The following NCKAP1 variants were observed in gnomAD, a reference collection of about 807,000 sequenced individuals.
NCKAP1 encodes nck-associated protein 1.
In NCKAP1, 21 loss-of-function variants were observed where a neutral mutation model predicts 151.2. The ratio of observed to expected loss-of-function variants is 0.14; its 90% CI spans 0.10 to 0.20. The LOEUF is 0.20. NCKAP1 is among the 10% of genes least tolerant of loss of function. The pLI, the probability that NCKAP1 is intolerant of heterozygous loss-of-function variation, is 1.00. For missense variants in NCKAP1, 933 were observed against 1,352.1 expected (o/e 0.69, Z 4.86); for synonymous variants, 484 against 451.8 (o/e 1.07, Z -0.90).
Position 182,914,932 on chromosome 2 carries a change from T to A in NCKAP1, c.*10770A>T, listed in dbSNP as rs1462272641. 2 of 152,152 alleles carry A rather than the reference T, an allele frequency of 1.3e-5. No individual in the cohort carries two copies. Among genetic ancestry groups the A allele is most frequent in the Non-Finnish European group, 2.9e-5 (2 of 68,030 alleles). The allele number at this position is 152,152 out of a possible 1,614,324, so 9.4% of individuals were successfully genotyped here. A position where few individuals can be genotyped will look rare whatever the true frequency, so the allele number is the denominator to read the frequency against. Reference sequence around the variant, plus strand: ...TTCCCTTTAAAGAAATCAGATTTTGTAAACAGTGAAAAAACCAAGAGCAGA... The same window carrying A: ...TTCCCTTTAAAGAAATCAGATTTTGAAAACAGTGAAAAAACCAAGAGCAGA... On this transcript the variant is annotated 3_prime_UTR_variant, in exon 31 of 31. Coordinates refer to ENST00000361354, the MANE Select transcript of NCKAP1 (RefSeq NM_013436.5).
chr2:182,987,493 A>G (rs1377040547), intron 9 of NCKAP1, among the ~76,000 whole-genome samples: 1 of 152,194 alleles, frequency 6.6e-6, no homozygotes, highest in Non-Finnish European at 1.5e-5. Context: ...AAATACAGAG[A>G]TTCTCAAATG....
At position 182,969,291 on chromosome 2, in the gene NCKAP1, C is replaced by T. The variant is rs13432715; in HGVS notation, c.1483-1930G>A. Among the ~76,000 whole-genome samples, 1,391 of 152,172 alleles carry T rather than the reference C, an allele frequency of 9.1e-3. 12 individuals are homozygous for T. The highest frequency in any genetic ancestry group is 0.026 in the African/African-American group (1,097 of 41,526). On this transcript the variant is annotated intron_variant, in intron 15 of 30. Coordinates refer to ENST00000361354, the MANE Select transcript of NCKAP1 (RefSeq NM_013436.5). The stretch of plus-strand genomic sequence containing the variant: ...ACAGTGCAATAAAACTAGAAATCAA[C>T]AAGAGGAACTTCAGAAACTAACACA...
intron 8 of NCKAP1, among the ~76,000 whole-genome samples, chr2:182,990,563 C>T (rs925864742): frequency 6.6e-6 from 1 of 152,000 alleles, no homozygotes; most frequent in African/African-American, 2.4e-5. Flanking sequence ...TGACTGATAT[C>T]CTCTCTAGTC....
chr2:183,035,565 G>C (rs999938331), intron 1 of NCKAP1, among the ~76,000 whole-genome samples: 3 of 152,050 alleles, frequency 2.0e-5, no homozygotes, highest in African/African-American at 7.2e-5. Flanking sequence ...ATTGAAAAGA[G>C]TATGTGGTTT....
Position 182,995,057 on chromosome 2 carries a change from T to C in NCKAP1, c.742-170A>G, listed in dbSNP as rs1267789385. Among the ~76,000 whole-genome samples, 4 of 152,222 alleles carry C rather than the reference T, an allele frequency of 2.6e-5. No individual in the cohort carries two copies. In the South Asian group the frequency reaches 8.3e-4, roughly 31 times the overall value. ...AAAGTTTTATTACCTATACTGAAACTTGCAGTCAATAAACAACGAGAGGTG... is the reference window on the plus strand; with the variant it reads ...AAAGTTTTATTACCTATACTGAAACCTGCAGTCAATAAACAACGAGAGGTG... On this transcript the variant is annotated intron_variant, in intron 7 of 30. Transcript: ENST00000361354.
chr2:182,980,862 T>G (rs997121586), intron 13 of NCKAP1, among the ~76,000 whole-genome samples: 3 of 152,174 alleles, frequency 2.0e-5, no homozygotes, highest in African/African-American at 7.2e-5. Flanking sequence ...CTGGTCTCTC[T>G]GCCTCCTCAT....
intron 26 of NCKAP1, among the ~76,000 whole-genome samples, chr2:182,933,432 T>C (rs1171084585): frequency 6.7e-6 from 1 of 149,788 alleles, no homozygotes; most frequent in Non-Finnish European, 1.5e-5. Flanking sequence ...TTGCTCCTGT[T>C]GCCCAGGCTG....
intron 13 of NCKAP1, among the ~76,000 whole-genome samples, 175 bp from the exon 14 acceptor site, chr2:182,979,090 C>T (rs569234209): frequency 4.6e-5 from 7 of 152,046 alleles, no homozygotes; most frequent in Admixed American, 3.9e-4. Flanking sequence ...AAAACCATTA[C>T]ATTAAGTGAA....
chr2:182,980,295 T>C (rs1453095944), intron 13 of NCKAP1, among the ~76,000 whole-genome samples: 1 of 151,966 alleles, frequency 6.6e-6, no homozygotes, highest in African/African-American at 2.4e-5. Flanking sequence ...TAACAGCATG[T>C]AACTCAAGGT....
At chr2:183,004,442 A>G (rs1333902867) in intron 2 of NCKAP1, among the ~76,000 whole-genome samples, 4 of 149,378 alleles carry the variant, frequency 2.7e-5, no homozygotes, top group Non-Finnish European at 5.9e-5. Context: ...CATCAGAGGA[A>G]TATATATATA....
intron 24 of NCKAP1, among the ~76,000 whole-genome samples, chr2:182,936,526 C>T (rs1363419042): frequency 6.6e-6 from 1 of 151,912 alleles, no homozygotes; most frequent in East Asian, 1.9e-4. Context: ...ATATACATAA[C>T]AAATTTCTGG....
At chr2:182,930,982 C>T (rs1696751423) in intron 26 of NCKAP1, among the ~76,000 whole-genome samples, 194 bp from the exon 27 acceptor site, 1 of 152,104 alleles carries the variant, frequency 6.6e-6, no homozygotes, top group Admixed American at 6.5e-5. Flanking sequence ...GCTGCTGGTT[C>T]TAACTTCCTA....
In NCKAP1 at chr2:182,915,633, C is replaced by G. The variant is rs1389209653; in HGVS notation, c.*10069G>C. On this transcript the variant is annotated 3_prime_UTR_variant, in exon 31 of 31. Coordinates refer to ENST00000361354, the MANE Select transcript of NCKAP1 (RefSeq NM_013436.5). ...TGACAGGATAAAATTTCAAGGCTTGCTAATCCTTGTGCATGATGACATGAG... is the reference window on the plus strand; with the variant it reads ...TGACAGGATAAAATTTCAAGGCTTGGTAATCCTTGTGCATGATGACATGAG... The G allele has an allele frequency of 1.3e-5, 2 of 152,164 alleles. No homozygotes were observed. Among genetic ancestry groups the G allele is most frequent in the Non-Finnish European group, 2.9e-5 (2 of 68,048 alleles). 9.4% of individuals were successfully genotyped at this position (152,164 alleles called of 1,614,324 possible). A position where few individuals can be genotyped will look rare whatever the true frequency, so the allele number is the denominator to read the frequency against.
chr2:182,973,306 T>C (rs1203889056), intron 15 of NCKAP1, among the ~76,000 whole-genome samples: 1 of 151,948 alleles, frequency 6.6e-6, no homozygotes, highest in Admixed American at 6.6e-5. Flanking sequence ...GGGAGAAACA[T>C]GTTACTAAAA....
intron 19 of NCKAP1, chr2:182,957,223 G>GTA (rs1313905938): frequency 2.6e-6 from 1 of 381,824 alleles, no homozygotes; most frequent in Non-Finnish European, 4.5e-6. Context: ...TCAGTACTTA[G>GTA]TATAAAAAGA....
intron 30 of NCKAP1, 45 bp downstream of exon 30, chr2:182,926,771 G>C: frequency 7.7e-7 from 1 of 1,304,164 alleles, no homozygotes; most frequent in East Asian, 2.4e-5. Flanking sequence ...TCTCAGGAAC[G>C]ACTGGAACTT....
At chr2:182,944,454 C>T (rs1697058603) in intron 23 of NCKAP1, among the ~76,000 whole-genome samples, 1 of 152,028 alleles carries the variant, frequency 6.6e-6, no homozygotes, top group South Asian at 2.1e-4. Flanking sequence ...ATTCTTTTGG[C>T]AGACTGGAAG....
intron 6 of NCKAP1, among the ~76,000 whole-genome samples, chr2:182,998,044 G>A (rs1033333938): frequency 2.6e-5 from 4 of 152,028 alleles, no homozygotes; most frequent in African/African-American, 9.7e-5. Context: ...CAATAAATGT[G>A]ATTAACCACA....
intron 30 of NCKAP1, 111 bp from the exon 31 acceptor site, chr2:182,925,929 T>C: frequency 2.0e-6 from 1 of 497,274 alleles, no homozygotes; most frequent in Non-Finnish European, 3.6e-6. Flanking sequence ...AAGGCATAAC[T>C]TCTATATTGT....
Sources: allele counts gnomAD v4.1 joint callset (sites outside exome capture counted in the v4.1 genomes callset), GRCh38; gene constraint gnomAD v4.1.1; transcripts MANE v1.5; gene names NCBI Gene and HGNC (gene_info 2026-07-23, HGNC 2026-07-21).